Variants in FKBP15 observed in about 807,000 individuals in gnomAD.
FKBP15 encodes the protein FK506-binding protein 15.
FKBP15 carries 106 observed loss-of-function variants against 158.1 expected under a neutral mutation model. The observed-to-expected ratio is 0.67, with a 90% CI of 0.57 to 0.79. The LOEUF (loss-of-function observed/expected upper bound fraction) is 0.79, where lower values mean the gene tolerates loss of function less well. Among genes scored for constraint, FKBP15 ranks in the 30% least tolerant of loss-of-function variants. FKBP15 has a pLI of 0.00. For missense variants in FKBP15, 1,287 were observed against 1,479.1 expected (o/e 0.87, Z 2.13); for synonymous variants, 547 against 548.6 (o/e 1.00, Z 0.04).
chr9:113,192,080 T>C (rs561644193), intron 11 of FKBP15, among the ~76,000 whole-genome samples: 1 of 151,912 alleles, frequency 6.6e-6, no homozygotes, highest in Admixed American at 6.6e-5. Flanking sequence ...ATTAGTCTGC[T>C]AGAAGTTACT....
Position 113,207,292 on chromosome 9 carries a change from A to T in FKBP15, c.174T>A (p.Asn58Lys), listed in dbSNP as rs1587973831. 6.2e-7 allele frequency: 1 copy of T among 1,602,216 alleles called. No homozygotes were observed. The highest frequency in any genetic ancestry group is 8.5e-7 in the Non-Finnish European group (1 of 1,175,474). The stretch of plus-strand genomic sequence containing the variant: ...CTGGTGCTGTTTTTGGTGTTGCCTG[A>T]TTTCCTGAAGATGAACAAGAAAACA... ...KKGQGTAATG[N>K]QATPKTAPAT... The change falls in exon 3 of 28, where the codon AAT becomes AAA. Residue 58 changes from asparagine (N) to lysine (K), a missense_variant. Physicochemically the swap from Asn to Lys is moderately conservative, Grantham distance 94 (BLOSUM62 0). Coordinates refer to ENST00000238256, the MANE Select transcript of FKBP15 (RefSeq NM_015258.2).
chr9:113,201,994 A>G (rs971004515), intron 6 of FKBP15, among the ~76,000 whole-genome samples: 2 of 152,062 alleles, frequency 1.3e-5, no homozygotes, highest in Non-Finnish European at 2.9e-5. Flanking sequence ...TGCTTTTCTA[A>G]ATTTTCTACA....
Position 113,215,642 on chromosome 9 carries a change from A to AT in FKBP15, c.54-4051dup, listed in dbSNP as rs1564192881. Among the ~76,000 whole-genome samples the AT allele has an allele frequency of 8.4e-4, 69 of 82,558 alleles. 1 individual carries two copies. The highest frequency in any genetic ancestry group is 2.1e-3 in the East Asian group (7 of 3,312). 54.2% of individuals were successfully genotyped at this position (82,558 alleles called of 152,430 possible). ...TGTGTGTGTATATATATATATATAT[A>AT]TATTTTTTTTTTTTTTTTTTTTTTT... On this transcript the variant is annotated intron_variant, in intron 1 of 27. Transcript: ENST00000238256.
chr9:113,193,605 C>A, intron 10 of FKBP15, 56 bp from the exon 11 acceptor site: 1 of 1,416,704 alleles, frequency 7.1e-7, no homozygotes, highest in Non-Finnish European at 9.8e-7. Context: ...AATCACAAGT[C>A]CAAATTATAT....
At position 113,190,454 on chromosome 9, in the gene FKBP15, C is replaced by G; in HGVS notation, c.1173+17G>C. 6.4e-7 allele frequency: 1 copy of G among 1,574,250 alleles called. No homozygotes were observed. The highest frequency in any genetic ancestry group is 8.7e-7 in the Non-Finnish European group (1 of 1,151,732). On this transcript the variant is annotated intron_variant, in intron 12 of 27. Coordinates refer to ENST00000238256, the MANE Select transcript of FKBP15 (RefSeq NM_015258.2). ...GACATCTGTACTATTCATTCTAATA[C>G]AGCCAGGGGGACATACTTCGATTTC...
At chr9:113,172,477 C>T (rs1228470577) in intron 23 of FKBP15, among the ~76,000 whole-genome samples, 4 of 152,108 alleles carry the variant, frequency 2.6e-5, no homozygotes, top group Admixed American at 2.6e-4. Flanking sequence ...AGTGTAAAAG[C>T]GTTCCTATTT....
Position 113,187,842 on chromosome 9 carries a change from G to T in FKBP15, c.1334C>A (p.Ser445Ter). The T allele has an allele frequency of 6.2e-7, 1 of 1,613,964 alleles. No homozygotes were observed. Among genetic ancestry groups the T allele is most frequent in the South Asian group, 1.1e-5 (1 of 91,076 alleles). Residue 445 changes from serine (S) to a stop codon, truncating the protein, a stop_gained, in exon 14 of 28, where the codon TCA (serine) becomes TAA (stop). Coordinates refer to ENST00000238256, the MANE Select transcript of FKBP15 (RefSeq NM_015258.2). LOFTEE classifies it high-confidence loss of function. ...QAPSAALMQV[S>*]SLDSHSAVSG... is the part of the protein sequence containing the mutation. ...TACAGCTGAGTGGGAATCGAGAGAT[G>T]ACACTTGCATTAAGGCAGCAGAAGG...
At chr9:113,176,515 C>T (rs1358436000) in intron 21 of FKBP15, 22 bp downstream of exon 21, 5 of 1,547,864 alleles carry the variant, frequency 3.2e-6, no homozygotes, top group East Asian at 4.9e-5. Flanking sequence ...CTAATTCTGG[C>T]CAACTGGGTT....
Position 113,208,979 on chromosome 9 carries a change from C to T in FKBP15, c.170-1683G>A, listed in dbSNP as rs1012256688. On this transcript the variant is annotated intron_variant, in intron 2 of 27. Transcript: ENST00000238256. ...CTGAGATCATGCCACCGCACTCCAG[C>T]CTGGGTGACAGAGCGAGACTCCATC... is the stretch of plus-strand genomic sequence containing the variant. 4.8e-5 allele frequency among the ~76,000 whole-genome samples: 7 copies of T among 145,166 alleles called. 1 individual carries two copies. The East Asian group carries it at 5.9e-4, about 12-fold the overall frequency.
intron 7 of FKBP15, among the ~76,000 whole-genome samples, chr9:113,199,453 T>C (rs557980524): frequency 6.6e-6 from 1 of 152,334 alleles, no homozygotes; most frequent in East Asian, 1.9e-4. Context: ...CAGTATCTAC[T>C]ATAAGAAAAA....
chr9:113,161,512 TG>T lies in FKBP15; in HGVS notation c.*4565del. 6.2e-7 allele frequency: 1 copy of T among 1,613,936 alleles called. No individual in the cohort carries two copies. Among genetic ancestry groups the T allele is most frequent in the African/African-American group, 1.3e-5 (1 of 75,044 alleles). ...ACAACTCTGCCTCCTTTGACAGGCA[TG>T]GCCCTTTCGGTGTTGGTGCTCCTGC... is the stretch of plus-strand genomic sequence containing the variant. On this transcript the variant is annotated 3_prime_UTR_variant, in exon 28 of 28. Coordinates refer to ENST00000238256, the MANE Select transcript of FKBP15 (RefSeq NM_015258.2).
At chr9:113,219,071 C>G (rs1430570519) in intron 1 of FKBP15, among the ~76,000 whole-genome samples, 2 of 152,178 alleles carry the variant, frequency 1.3e-5, no homozygotes, top group Non-Finnish European at 2.9e-5. Context: ...TTATTCCTAT[C>G]TGGATTAGCT....
chr9:113,165,911 G>C lies in FKBP15; in HGVS notation c.*167C>G. On this transcript the variant is annotated 3_prime_UTR_variant, in exon 28 of 28. Coordinates refer to ENST00000238256, the MANE Select transcript of FKBP15 (RefSeq NM_015258.2). ...TATGATCCTCTTCACCAGGTCTGGC[G>C]GGGGTGGGGCTCAGAAGGTGGCCAA... 1.8e-6 allele frequency: 1 copy of C among 566,312 alleles called. No homozygotes were observed. Among genetic ancestry groups the C allele is most frequent in the Non-Finnish European group, 3.2e-6 (1 of 316,868 alleles). The allele number at this position is 566,312 out of a possible 1,614,324, so 35.1% of individuals were successfully genotyped here.
chr9:113,194,077 G>A lies in FKBP15; in HGVS notation c.957C>T (p.Leu319=). Residue 319 remains leucine, a synonymous_variant, in exon 10 of 28, where the codon CTC becomes CTT. Transcript: ENST00000238256. ...GTGGTGACACAACAGGATCAGCAGA[G>A]AGGTTGTCAGCACCAGGGATGGGAG... The part of the protein sequence containing the change: ...APSPIPGADN[L]SADPVVSPPT... 6.2e-7 allele frequency: 1 copy of A among 1,613,644 alleles called. No homozygotes were observed. Among genetic ancestry groups the A allele is most frequent in the Non-Finnish European group, 8.5e-7 (1 of 1,179,638 alleles).
chr9:113,163,005 T>C lies in FKBP15; in HGVS notation c.*3073A>G. ...TACTTCCAACTGCCCTTTCTTCTGA[T>C]GGCTATTCCTCCACCTTATTCCCAG... On this transcript the variant is annotated 3_prime_UTR_variant, in exon 28 of 28. Coordinates refer to ENST00000238256, the MANE Select transcript of FKBP15 (RefSeq NM_015258.2). The C allele has an allele frequency of 8.2e-6, 10 of 1,225,056 alleles. No homozygotes were observed. Among genetic ancestry groups the C allele is most frequent in the Non-Finnish European group, 1.1e-5 (10 of 905,996 alleles). The allele number at this position is 1,225,056 out of a possible 1,614,324, so 75.9% of individuals were successfully genotyped here. A position where few individuals can be genotyped will look rare whatever the true frequency, so the allele number is the denominator to read the frequency against.
chr9:113,169,719 T>C lies in FKBP15; in HGVS notation c.2990A>G (p.Gln997Arg), dbSNP rs1047005603. The C allele has an allele frequency of 1.2e-6, 2 of 1,613,606 alleles. No individual in the cohort carries two copies. Among genetic ancestry groups the C allele is most frequent in the Admixed American group, 1.7e-5 (1 of 59,962 alleles). ...VVEEAVPLPP[Q>R]ALTTSQDGHR... ...TCCATCCTGGGAAGTGGTGAGGGCC[T>C]GAGGAGGCAACGGGACAGCTTCCTC... Residue 997 changes from glutamine (Q) to arginine (R), a missense_variant, in exon 26 of 28, where the codon CAG (glutamine) becomes CGG (arginine). Coordinates refer to ENST00000238256, the MANE Select transcript of FKBP15 (RefSeq NM_015258.2).
At position 113,170,619 on chromosome 9, in the gene FKBP15, A is replaced by T; in HGVS notation, c.2669T>A (p.Ile890Asn). ...ASDPSEKVKKIMNQVFQSLRR... is the reference protein window; with the variant it reads ...ASDPSEKVKKNMNQVFQSLRR... ...TAAGGACTGGAACACCTGGTTCATG[A>T]TCTTCTTGACCTGTGTGAACATCAA... The change falls in exon 25 of 28, where the codon ATC becomes AAC. Residue 890 changes from isoleucine to asparagine, a missense_variant. Coordinates refer to ENST00000238256, the MANE Select transcript of FKBP15 (RefSeq NM_015258.2). 6.2e-7 allele frequency: 1 copy of T among 1,612,780 alleles called. No individual in the cohort carries two copies. The highest frequency in any genetic ancestry group is 8.5e-7 in the Non-Finnish European group (1 of 1,178,802).
At position 113,194,287 on chromosome 9, in the gene FKBP15, G is replaced by T. The variant is rs975103491; in HGVS notation, c.865-118C>A. 3 of 701,400 alleles carry T rather than the reference G, an allele frequency of 4.3e-6. No homozygotes were observed. The Admixed American group carries it at 8.1e-5, about 19-fold the overall frequency. 43.4% of individuals were successfully genotyped at this position (701,400 alleles called of 1,614,324 possible). ...GTTGTCGGGTGGGGGTAGAGGGGAG[G>T]GATAGCATTGGGAGATATACCTAAT... On this transcript the variant is annotated intron_variant, in intron 9 of 27. Coordinates refer to ENST00000238256, the MANE Select transcript of FKBP15 (RefSeq NM_015258.2).
chr9:113,193,866 G>C (rs1021515719), intron 10 of FKBP15, among the ~76,000 whole-genome samples, 161 bp downstream of exon 10: 1 of 151,956 alleles, frequency 6.6e-6, no homozygotes, highest in African/African-American at 2.4e-5. Context: ...TTAAACCTTT[G>C]TCAGAAAAAT....
Sources: gnomAD v4.1 joint callset for allele counts (sites outside exome capture counted in the v4.1 genomes callset) on GRCh38, gnomAD v4.1.1 for gene constraint, MANE v1.5 for transcripts, NCBI Gene and HGNC (gene_info 2026-07-23, HGNC 2026-07-21) for gene names.